The following SLC44A5 variants were observed in gnomAD, a reference collection of about 807,000 sequenced individuals.
SLC44A5 encodes the protein solute carrier family 44 member 5.
SLC44A5 carries 57 observed loss-of-function variants against 101.8 expected under a neutral mutation model. The ratio of observed to expected loss-of-function variants is 0.56; its 90% confidence interval spans 0.45 to 0.70. The LOEUF (loss-of-function observed/expected upper bound fraction) is 0.70. SLC44A5 is among the 30% of genes least tolerant of loss of function. The pLI, the probability that SLC44A5 is intolerant of heterozygous loss-of-function variation, is 0.00. For missense variants in SLC44A5, 737 were observed against 853.1 expected (o/e 0.86, Z 1.70); for synonymous variants, 281 against 290.9 (o/e 0.97, Z 0.35).
the SLC44A5 span, among the ~76,000 whole-genome samples, chr1:75,642,746 G>A: frequency 6.6e-6 from 1 of 152,012 alleles, no homozygotes; most frequent in South Asian, 2.1e-4. Context: ...AATGGCCTTG[G>A]TTGCAAAGTC....
intron 2 of SLC44A5, among the ~76,000 whole-genome samples, chr1:75,494,500 A>C (rs1668573850): frequency 6.6e-6 from 1 of 152,120 alleles, no homozygotes; most frequent in Non-Finnish European, 1.5e-5. Context: ...TGAGACAGGC[A>C]ATCACTAATG....
chr1:75,460,260 C>T (rs1392614047), intron 2 of SLC44A5, among the ~76,000 whole-genome samples: 1 of 152,154 alleles, frequency 6.6e-6, no homozygotes, highest in Non-Finnish European at 1.5e-5. Flanking sequence ...TATTAAAGTA[C>T]TCTGCTTTAA....
At chr1:75,222,164 C>T (rs1437870152) in intron 14 of SLC44A5, among the ~76,000 whole-genome samples, 197 bp downstream of exon 14, 2 of 152,044 alleles carry the variant, frequency 1.3e-5, no homozygotes, top group African/African-American at 4.8e-5. Context: ...CCATGTTGGT[C>T]AGGCTGGTCT....
chr1:75,476,762 G>A (rs1557825819), intron 2 of SLC44A5, among the ~76,000 whole-genome samples: 2 of 152,254 alleles, frequency 1.3e-5, no homozygotes. Flanking sequence ...CTCGAACTGG[G>A]TGGAGCCCAC....
intron 4 of SLC44A5, among the ~76,000 whole-genome samples, chr1:75,302,975 A>G (rs1019586133): frequency 4.6e-5 from 7 of 152,194 alleles, no homozygotes; most frequent in African/African-American, 1.7e-4. Flanking sequence ...TTTCTATTTC[A>G]TATTTTCTGT....
intron 6 of SLC44A5, among the ~76,000 whole-genome samples, chr1:75,271,497 T>TTTTTTGTG (rs1553152601): frequency 1.7e-4 from 25 of 146,398 alleles, no homozygotes; most frequent in East Asian, 4.1e-4. Context: ...TCTGCATGTT[T>TTTTTTGTG]TGTGTGTGTG....
the SLC44A5 span, among the ~76,000 whole-genome samples, chr1:75,626,100 G>A: frequency 3.3e-5 from 5 of 152,110 alleles, no homozygotes; most frequent in African/African-American, 1.2e-4. Flanking sequence ...AACATTGAAA[G>A]AATCTTAGTC....
chr1:75,491,197 T>C (rs1383464277), intron 2 of SLC44A5, among the ~76,000 whole-genome samples: 5 of 152,148 alleles, frequency 3.3e-5, no homozygotes, highest in Non-Finnish European at 7.4e-5. Context: ...TTCTCTACTC[T>C]GAAAAAGACA....
At chr1:75,491,604 T>C (rs1038525187) in intron 2 of SLC44A5, among the ~76,000 whole-genome samples, 1 of 152,200 alleles carries the variant, frequency 6.6e-6, no homozygotes, top group Non-Finnish European at 1.5e-5. Context: ...AGGAGCTTCC[T>C]GGCTCATGAT....
At chr1:75,418,939 A>T (rs1429809895) in intron 2 of SLC44A5, among the ~76,000 whole-genome samples, 1 of 152,162 alleles carries the variant, frequency 6.6e-6, no homozygotes, top group Non-Finnish European at 1.5e-5. Context: ...TGTAATGCCT[A>T]AGGGAAGGGG....
intron 6 of SLC44A5, among the ~76,000 whole-genome samples, chr1:75,272,404 T>G (rs1651558158): frequency 7.3e-6 from 1 of 137,192 alleles, no homozygotes. Context: ...TTTGCTTTTA[T>G]TTTTTTTTTA....
chr1:75,251,151 CT>C, intron 7 of SLC44A5, 58 bp downstream of exon 7: 4 of 1,362,926 alleles, frequency 2.9e-6, no homozygotes, highest in Non-Finnish European at 4.2e-6. Context: ...TTTCTCAATT[CT>C]TTTATCCAAG....
At chr1:75,441,304 T>C (rs1458925373) in intron 2 of SLC44A5, among the ~76,000 whole-genome samples, 1 of 152,152 alleles carries the variant, frequency 6.6e-6, no homozygotes, top group Admixed American at 6.6e-5. Flanking sequence ...TCCTGAACTC[T>C]GCTCTCCAAA....
chr1:75,694,894 C>T, the SLC44A5 span, among the ~76,000 whole-genome samples: 2 of 152,022 alleles, frequency 1.3e-5, no homozygotes, highest in South Asian at 2.1e-4. Flanking sequence ...TGGTTAAAAG[C>T]GAAGTTGGTT....
chr1:75,643,669 C>A, the SLC44A5 span, among the ~76,000 whole-genome samples: 6 of 152,218 alleles, frequency 3.9e-5, no homozygotes, highest in Admixed American at 3.9e-4. Flanking sequence ...ATAAGTCTCA[C>A]AAGATCCCAT....
intron 3 of SLC44A5, among the ~76,000 whole-genome samples, chr1:75,343,010 A>G (rs1360855163): frequency 3.3e-5 from 5 of 152,000 alleles, no homozygotes; most frequent in African/African-American, 1.2e-4. Flanking sequence ...AATAGAGGGC[A>G]GTGCTTTTAT....
chr1:75,233,349 A>T (rs1435570692), intron 12 of SLC44A5, among the ~76,000 whole-genome samples: 1 of 152,138 alleles, frequency 6.6e-6, no homozygotes, highest in Non-Finnish European at 1.5e-5. Context: ...ACCCCCTTCC[A>T]GTCGTCAACC....
intron 1 of SLC44A5, among the ~76,000 whole-genome samples, chr1:75,560,764 GT>G (rs1672474300): frequency 6.6e-6 from 1 of 152,070 alleles, no homozygotes. Context: ...AAACAGGCTT[GT>G]CCCTGAAAAA....
the SLC44A5 span, chr1:75,641,710 A>G: frequency 6.4e-7 from 1 of 1,560,116 alleles, no homozygotes; most frequent in Non-Finnish European, 8.8e-7. Flanking sequence ...GATACTGCAT[A>G]TTCAAGTCAT....
Sources: gnomAD v4.1 joint callset for allele counts (sites outside exome capture counted in the v4.1 genomes callset) on GRCh38, gnomAD v4.1.1 for gene constraint, MANE v1.5 for transcripts, NCBI Gene and HGNC (gene_info 2026-07-23, HGNC 2026-07-21) for gene names.